The following BLNK variants were observed in gnomAD, a reference collection of about 807,000 sequenced individuals.
BLNK encodes the protein B-cell linker protein.
In BLNK, 29 loss-of-function variants were observed where a neutral mutation model predicts 73.5. The observed-to-expected ratio is 0.39, with a 90% CI of 0.29 to 0.54. The LOEUF (loss-of-function observed/expected upper bound fraction) is 0.54. Ranked by LOEUF, BLNK falls within the 20% of genes least tolerant of loss-of-function variation. The pLI is 0.61. For missense variants in BLNK, 460 were observed against 562.8 expected (o/e 0.82, Z 1.85); for synonymous variants, 176 against 200.8 (o/e 0.88, Z 1.04).
rs371821143 is a variant in BLNK at position 96,250,854 on chromosome 10, A to G, written c.48-3805T>C. On this transcript the variant is annotated intron_variant, in intron 1 of 16. Transcript: ENST00000224337. The stretch of plus-strand genomic sequence containing the variant: ...TTATACTATGTAACTATATAATTAC[A>G]GTAAGTTACTGAAGTGTTGCATAAA... Among the ~76,000 whole-genome samples the G allele has an allele frequency of 1.6e-4, 25 of 152,374 alleles. 1 individual carries two copies. The East Asian group carries it at 3.5e-3, about 21-fold the overall frequency.
chr10:96,227,230 C>T (rs1554902694), intron 5 of BLNK, among the ~76,000 whole-genome samples, 180 bp downstream of exon 5: 2 of 152,184 alleles, frequency 1.3e-5, no homozygotes, highest in Non-Finnish European at 1.5e-5. Context: ...AATGGGAAAG[C>T]CCTACAGCTT....
chr10:96,215,315 C>A lies in BLNK; in HGVS notation c.676+6G>T. On this transcript the variant is annotated splice_donor_region_variant and intron_variant, in intron 8 of 16. Coordinates refer to ENST00000224337, the MANE Select transcript of BLNK (RefSeq NM_013314.4). Reference sequence around the variant, plus strand: ...AAAACCAAACCAAATCACACATACACTTTACCTGAAGCTGTTCCTGGAGGA... The same window carrying A: ...AAAACCAAACCAAATCACACATACAATTTACCTGAAGCTGTTCCTGGAGGA... 1 of 1,613,818 alleles carries A rather than the reference C, an allele frequency of 6.2e-7. No individual in the cohort carries two copies. The highest frequency in any genetic ancestry group is 1.1e-5 in the South Asian group (1 of 91,064).
At chr10:96,219,156 G>A (rs1230297088) in intron 6 of BLNK, among the ~76,000 whole-genome samples, 2 of 152,220 alleles carry the variant, frequency 1.3e-5, no homozygotes, top group African/African-American at 4.8e-5. Flanking sequence ...GAAGGGCAGG[G>A]CCTTCTCCTT....
chr10:96,213,157 A>G (rs1393994223), intron 8 of BLNK, among the ~76,000 whole-genome samples: 2 of 152,204 alleles, frequency 1.3e-5, no homozygotes, highest in Non-Finnish European at 2.9e-5. Flanking sequence ...CTCTCAACCA[A>G]CTGACCCCTC....
At chr10:96,237,079 G>A (rs1554905214) in intron 3 of BLNK, among the ~76,000 whole-genome samples, 1 of 152,174 alleles carries the variant, frequency 6.6e-6, no homozygotes, top group African/African-American at 2.4e-5. Context: ...TTGAGCCCAA[G>A]TGTCATTCCT....
rs2083293307 is a variant in BLNK at position 96,189,269 on chromosome 10, C to T, written c.*2704G>A. ...TATTAAACACAGTAGGGAAAGTTCT[C>T]ACTCTGCATTATAGAAAGGACAGCC... On this transcript the variant is annotated 3_prime_UTR_variant, in exon 17 of 17. Coordinates refer to ENST00000224337, the MANE Select transcript of BLNK (RefSeq NM_013314.4). 1 of 411,406 alleles carries T rather than the reference C, an allele frequency of 2.4e-6. No homozygotes were observed. The highest frequency in any genetic ancestry group is 2.1e-5 in the South Asian group (1 of 47,258). 25.5% of individuals were successfully genotyped at this position (411,406 alleles called of 1,614,324 possible).
intron 6 of BLNK, among the ~76,000 whole-genome samples, chr10:96,218,379 C>A (rs972354267): frequency 8.5e-5 from 13 of 152,060 alleles, no homozygotes; most frequent in Admixed American, 7.9e-4. Flanking sequence ...GTAGTTTGCT[C>A]AAGTTGTCAA....
Position 96,204,398 on chromosome 10 carries a change from C to T in BLNK, c.902+134G>A, listed in dbSNP as rs10748665. ...TAAAGTTGCTCAACACCTTTTAACA[C>T]GTAACTGCAAAACAATGAAATGTTG... On this transcript the variant is annotated intron_variant, in intron 12 of 16. Transcript: ENST00000224337. 0.99 allele frequency: 1,042,574 copies of T among 1,056,082 alleles called. 515,546 individuals carry two copies. The highest frequency in any genetic ancestry group is 1 in the East Asian group (41,902 of 41,902). 65.4% of individuals were successfully genotyped at this position (1,056,082 alleles called of 1,614,324 possible).
intron 3 of BLNK, 41 bp from the exon 4 acceptor site, chr10:96,230,875 C>T: frequency 1.9e-6 from 3 of 1,601,866 alleles, no homozygotes; most frequent in Non-Finnish European, 2.6e-6. Flanking sequence ...AAGTGTGAGC[C>T]TCAGCTGGCC....
rs146422116 is a variant in BLNK, at chr10:96,253,165, T to C, written c.48-6116A>G. 4.3e-3 allele frequency among the ~76,000 whole-genome samples: 648 copies of C among 152,324 alleles called. 5 individuals carry two copies. The highest frequency in any genetic ancestry group is 0.015 in the African/African-American group (617 of 41,570). ...TACACAACTAAGATCACTCTTGACA[T>C]TTTGAAATCTGTGTGTTCCACTTAC... On this transcript the variant is annotated intron_variant, in intron 1 of 16. Coordinates refer to ENST00000224337, the MANE Select transcript of BLNK (RefSeq NM_013314.4).
chr10:96,265,634 C>T (rs192940951), intron 1 of BLNK, among the ~76,000 whole-genome samples: 349 of 152,276 alleles, frequency 2.3e-3, no homozygotes, highest in Non-Finnish European at 3.9e-3. Flanking sequence ...CATCCCAGAC[C>T]GGAAACCCAG....
intron 4 of BLNK, 90 bp from the exon 5 acceptor site, chr10:96,227,656 G>A (rs1842326472): frequency 6.3e-7 from 1 of 1,588,584 alleles, no homozygotes; most frequent in Non-Finnish European, 8.6e-7. Flanking sequence ...GGCCAGAGCA[G>A]TGACAGGAGA....
chr10:96,201,372 T>C lies in BLNK; in HGVS notation c.935-314A>G, dbSNP rs587751196. Among the ~76,000 whole-genome samples, 31 of 152,370 alleles carry C rather than the reference T, an allele frequency of 2.0e-4. 1 individual carries two copies. Among genetic ancestry groups the C allele is most frequent in the African/African-American group, 5.5e-4 (23 of 41,584 alleles). On this transcript the variant is annotated intron_variant, in intron 13 of 16. Transcript: ENST00000224337. ...TGAGAATCCAGCAGTCTCTGTTATG[T>C]TGCAGTAACATACATTAAAGAGATT...
intron 2 of BLNK, among the ~76,000 whole-genome samples, chr10:96,244,349 A>G (rs1413673476): frequency 6.6e-6 from 1 of 152,226 alleles, no homozygotes; most frequent in Non-Finnish European, 1.5e-5. Flanking sequence ...CTATCATTTC[A>G]TAAAAGAAAA....
chr10:96,231,790 A>T (rs1842509934), intron 3 of BLNK, among the ~76,000 whole-genome samples: 1 of 151,736 alleles, frequency 6.6e-6, no homozygotes, highest in Non-Finnish European at 1.5e-5. Flanking sequence ...TAGAGCAGAT[A>T]AGTCACATGC....
chr10:96,249,610 C>G (rs1843194153), intron 1 of BLNK, among the ~76,000 whole-genome samples: 1 of 152,224 alleles, frequency 6.6e-6, no homozygotes, highest in Non-Finnish European at 1.5e-5. Flanking sequence ...GGGGAGATCT[C>G]TCTCCTTCTA....
chr10:96,189,232 C>T lies in BLNK; in HGVS notation c.*2741G>A, dbSNP rs2083292710. 3 of 371,534 alleles carry T rather than the reference C, an allele frequency of 8.1e-6. No individual in the cohort carries two copies. Among genetic ancestry groups the T allele is most frequent in the South Asian group, 7.4e-5 (3 of 40,518 alleles). The allele number at this position is 371,534 out of a possible 1,614,324, so 23.0% of individuals were successfully genotyped here. A position where few individuals can be genotyped will look rare whatever the true frequency, so the allele number is the denominator to read the frequency against. On this transcript the variant is annotated 3_prime_UTR_variant, in exon 17 of 17. Coordinates refer to ENST00000224337, the MANE Select transcript of BLNK (RefSeq NM_013314.4). ...GACAACACATTCTTGGCAATGGAAC[C>T]TGGACAACATTTATTAAACACAGTA...
At chr10:96,249,948 T>C (rs1843212790) in intron 1 of BLNK, among the ~76,000 whole-genome samples, 2 of 152,146 alleles carry the variant, frequency 1.3e-5, no homozygotes, top group South Asian at 4.1e-4. Flanking sequence ...TAGGAGAAAC[T>C]TCTTTTGGGA....
At chr10:96,248,395 A>G (rs868906145) in intron 1 of BLNK, among the ~76,000 whole-genome samples, 2 of 152,252 alleles carry the variant, frequency 1.3e-5, no homozygotes, top group South Asian at 2.1e-4. Context: ...CAATGAAAAG[A>G]TATTGAACAT....
Sources: gnomAD v4.1 joint callset for allele counts (sites outside exome capture counted in the v4.1 genomes callset) on GRCh38, gnomAD v4.1.1 for gene constraint, MANE v1.5 for transcripts, NCBI Gene and HGNC (gene_info 2026-07-23, HGNC 2026-07-21) for gene names.